DCUN1D4: variants seen among roughly 807,000 people sequenced by gnomAD.
DCUN1D4 encodes DCN1-like protein 4.
Under a neutral mutation model 47.9 loss-of-function variants are expected in DCUN1D4, and 22 were observed. The ratio of observed to expected loss-of-function variants is 0.46; its 90% confidence interval spans 0.33 to 0.66. The LOEUF is 0.66. Among genes scored for constraint, DCUN1D4 ranks in the 30% least tolerant of loss-of-function variants. The pLI, the probability that DCUN1D4 is intolerant of heterozygous loss-of-function variation, is 0.02. For synonymous variants in DCUN1D4, 121 were observed against 112.2 expected (o/e 1.08, Z -0.50); for missense variants, 301 against 340.8 (o/e 0.88, Z 0.92).
rs772808800 is a variant in DCUN1D4, at chr4:51,886,645, C to CT, written c.414+7_414+8insT. The stretch of plus-strand genomic sequence containing the variant: ...TGGTGTTGAACCAGAAAACGTGAGT[C>CT]AAACTTACTGAGTTGGGTGAATCAG... On this transcript the variant is annotated splice_region_variant and intron_variant, in intron 6 of 10. Coordinates refer to ENST00000334635, the MANE Select transcript of DCUN1D4 (RefSeq NM_001040402.3). 48 of 1,612,758 alleles carry CT rather than the reference C, an allele frequency of 3.0e-5. No homozygotes were observed. The East Asian group carries it at 1.0e-3, about 34-fold the overall frequency.
chr4:51,905,526 A>G (rs528583281), intron 8 of DCUN1D4, among the ~76,000 whole-genome samples: 4 of 152,336 alleles, frequency 2.6e-5, no homozygotes, highest in South Asian at 2.1e-4. Flanking sequence ...TTGTTGTTAT[A>G]TGGATTCTTT....
chr4:51,873,488 C>G (rs753928713), intron 3 of DCUN1D4, among the ~76,000 whole-genome samples: 2 of 152,162 alleles, frequency 1.3e-5, no homozygotes, highest in Non-Finnish European at 2.9e-5. Flanking sequence ...GTTTGCCTAA[C>G]CTCCCTCCGC....
At chr4:51,905,924 G>A (rs976139981) in intron 8 of DCUN1D4, among the ~76,000 whole-genome samples, 7 of 152,126 alleles carry the variant, frequency 4.6e-5, no homozygotes, top group Admixed American at 1.3e-4. Flanking sequence ...TGGAGTGATC[G>A]AGGTGAACCA....
At chr4:51,837,513 G>A in the DCUN1D4 span, among the ~76,000 whole-genome samples, 1 of 151,872 alleles carries the variant, frequency 6.6e-6, no homozygotes, top group Non-Finnish European at 1.5e-5. Flanking sequence ...GAATTAGCCG[G>A]GCGCAGTGGC....
intron 7 of DCUN1D4, among the ~76,000 whole-genome samples, chr4:51,894,389 C>T (rs1003296318): frequency 6.6e-6 from 1 of 151,748 alleles, no homozygotes; most frequent in Admixed American, 6.6e-5. Flanking sequence ...CCACCCCCAC[C>T]TTCCAACCTT....
chr4:51,889,890 C>T (rs1261109792), intron 6 of DCUN1D4, among the ~76,000 whole-genome samples: 1 of 152,148 alleles, frequency 6.6e-6, no homozygotes. Flanking sequence ...GCCTTTTAAG[C>T]AGTCATTACT....
chr4:51,852,347 G>A (rs1035382772), intron 1 of DCUN1D4, among the ~76,000 whole-genome samples: 1 of 152,074 alleles, frequency 6.6e-6, no homozygotes, highest in Non-Finnish European at 1.5e-5. Context: ...AGATCTCAAC[G>A]ACATTGCAGC....
chr4:51,878,997 A>G (rs770174844), intron 5 of DCUN1D4, among the ~76,000 whole-genome samples: 2 of 152,172 alleles, frequency 1.3e-5, no homozygotes, highest in African/African-American at 2.4e-5. Context: ...CAGTCAGACA[A>G]ATCTTCACAG....
At chr4:51,908,129 A>G (rs980181466) in intron 8 of DCUN1D4, among the ~76,000 whole-genome samples, 1 of 152,210 alleles carries the variant, frequency 6.6e-6, no homozygotes, top group East Asian at 1.9e-4. Flanking sequence ...GCTGTACTAT[A>G]TCATTCTATA....
chr4:51,890,932 A>G (rs944622324), intron 6 of DCUN1D4, among the ~76,000 whole-genome samples: 1 of 152,248 alleles, frequency 6.6e-6, no homozygotes, highest in Non-Finnish European at 1.5e-5. Flanking sequence ...TGAAACCTGC[A>G]TGGTTTCAGA....
intron 7 of DCUN1D4, among the ~76,000 whole-genome samples, chr4:51,897,295 AAG>A (rs1449528897): frequency 1.3e-5 from 2 of 151,386 alleles, no homozygotes; most frequent in African/African-American, 4.9e-5. Context: ...CATATCAACA[AAG>A]AGATCATAAG....
intron 3 of DCUN1D4, among the ~76,000 whole-genome samples, chr4:51,865,821 G>A (rs969834671): frequency 6.6e-6 from 1 of 152,152 alleles, no homozygotes; most frequent in Non-Finnish European, 1.5e-5. Flanking sequence ...CAACTTAGAT[G>A]TGCAGCAAGA....
intron 3 of DCUN1D4, 107 bp from the exon 4 acceptor site, chr4:51,874,164 T>C: frequency 1.7e-6 from 1 of 580,176 alleles, no homozygotes; most frequent in Non-Finnish European, 2.8e-6. Flanking sequence ...CTAAATTCCT[T>C]ACAATACAAG....
chr4:51,851,503 T>C (rs972081292), intron 1 of DCUN1D4, among the ~76,000 whole-genome samples: 3 of 149,216 alleles, frequency 2.0e-5, no homozygotes, highest in African/African-American at 7.4e-5. Flanking sequence ...GGAGAGTGGG[T>C]GTTTGGTAGG....
chr4:51,863,496 C>A lies in DCUN1D4; in HGVS notation c.85C>A (p.Leu29Ile). ...LANIHKIYHT[L>I]NKLNLTEDIG... ...AAATATTCATAAGATCTACCACACC[C>A]TTAATAAGCTGGTAAGTCATTCTTT... The change falls in exon 2 of 11, where the codon CTT becomes ATT. Residue 29 changes from leucine to isoleucine, a missense_variant. By Grantham distance (5) the Leu-to-Ile change is conservative (BLOSUM62 2). Coordinates refer to ENST00000334635, the MANE Select transcript of DCUN1D4 (RefSeq NM_001040402.3). 6.2e-7 allele frequency: 1 copy of A among 1,611,916 alleles called. No homozygotes were observed. The highest frequency in any genetic ancestry group is 8.5e-7 in the Non-Finnish European group (1 of 1,178,652).
At chr4:51,838,202 T>C (rs540179575), upstream of DCUN1D4, among the ~76,000 whole-genome samples, 6 of 152,246 alleles carry the variant, frequency 3.9e-5, no homozygotes, top group Admixed American at 1.3e-4. Flanking sequence ...AGAGCTTCAT[T>C]AGACACTCTG....
rs773556093 is a variant in DCUN1D4 at position 51,863,485 on chromosome 4, T to C, written c.74T>C (p.Ile25Thr). ...TCAACACTGGCAAATATTCATAAGA[T>C]CTACCACACCCTTAATAAGCTGGTA... The part of the protein sequence containing the change: ...HLSTLANIHK[I>T]YHTLNKLNLT... Residue 25 changes from isoleucine to threonine, a missense_variant, in exon 2 of 11, where the codon ATC becomes ACC. By Grantham distance (89) the Ile-to-Thr change is moderately conservative. Transcript: ENST00000334635. The C allele has an allele frequency of 1.2e-6, 2 of 1,613,020 alleles. No homozygotes were observed. Among genetic ancestry groups the C allele is most frequent in the South Asian group, 1.1e-5 (1 of 90,808 alleles).
At chr4:51,894,104 CT>C (rs1730863142) in intron 7 of DCUN1D4, among the ~76,000 whole-genome samples, 1 of 152,142 alleles carries the variant, frequency 6.6e-6, no homozygotes, top group Non-Finnish European at 1.5e-5. Flanking sequence ...CAGGTGGGTT[CT>C]CAGGGTGATT....
At chr4:51,895,410 G>T (rs1441357600) in intron 7 of DCUN1D4, among the ~76,000 whole-genome samples, 1 of 151,866 alleles carries the variant, frequency 6.6e-6, no homozygotes, top group Non-Finnish European at 1.5e-5. Flanking sequence ...GTGAGCCTGG[G>T]GCAGGACGTG....
Sources: allele counts gnomAD v4.1 joint callset (sites outside exome capture counted in the v4.1 genomes callset), GRCh38; gene constraint gnomAD v4.1.1; transcripts MANE v1.5; gene names NCBI Gene and HGNC (gene_info 2026-07-23, HGNC 2026-07-21).